Variants in PLA2G2C observed in about 807,000 individuals in gnomAD.
The protein encoded by PLA2G2C is phospholipase A2 group IIC, also known as putative inactive group IIC secretory phospholipase A2.
Under a neutral mutation model 14.3 loss-of-function variants are expected in PLA2G2C, and 15 were observed. The ratio of observed to expected loss-of-function variants is 1.05; its 90% confidence interval spans 0.70 to 1.62. The LOEUF is 1.62. PLA2G2C is among the 40% of genes most tolerant of loss of function. The pLI is 0.00. For missense variants in PLA2G2C, 162 were observed against 173.2 expected (o/e 0.94, Z 0.36); for synonymous variants, 79 against 67.7 (o/e 1.17, Z -0.82).
At position 20,173,361 on chromosome 1, in the gene PLA2G2C, T is replaced by C. The variant is rs572354340; in HGVS notation, c.180-464A>G. Among the ~76,000 whole-genome samples, 12 of 152,204 alleles carry C rather than the reference T, an allele frequency of 7.9e-5. No homozygotes were observed. The South Asian group carries it at 1.7e-3, about 21-fold the overall frequency. On this transcript the variant is annotated intron_variant, in intron 3 of 4. Coordinates refer to ENST00000679259, the MANE Select transcript of PLA2G2C (RefSeq NM_001367969.2). Reference sequence around the variant, plus strand: ...AAAATAATAATAATAACCAGTAGCATTTCCTGAGCCCTCTCTAGTATCTGT... The same window carrying C: ...AAAATAATAATAATAACCAGTAGCACTTCCTGAGCCCTCTCTAGTATCTGT...
In PLA2G2C at chr1:20,163,865, G is replaced by A; in HGVS notation, c.*126C>T. The A allele has an allele frequency of 9.1e-7, 1 of 1,096,472 alleles. No individual in the cohort carries two copies. Among genetic ancestry groups the A allele is most frequent in the African/African-American group, 1.6e-5 (1 of 62,716 alleles). The allele number at this position is 1,096,472 out of a possible 1,614,324, so 67.9% of individuals were successfully genotyped here. ...AGAATGCTGAAGGGTGAGCTGCCCT[G>A]CGGGAGACATTTTGTCCTCCCTCCC... On this transcript the variant is annotated 3_prime_UTR_variant, in exon 5 of 5. Transcript: ENST00000679259.
intron 1 of PLA2G2C, among the ~76,000 whole-genome samples, chr1:20,183,207 C>A (rs2018301793): frequency 6.6e-6 from 1 of 152,220 alleles, no homozygotes; most frequent in Non-Finnish European, 1.5e-5. Flanking sequence ...CTGTGCTTAT[C>A]ATCACCATTC....
chr1:20,168,752 C>T (rs558461788), intron 4 of PLA2G2C, among the ~76,000 whole-genome samples: 1 of 152,340 alleles, frequency 6.6e-6, no homozygotes, highest in Non-Finnish European at 1.5e-5. Context: ...ACCGGGTCCT[C>T]CCTGTACCAC....
At chr1:20,185,956 C>G (rs1252913646) in intron 1 of PLA2G2C, 1 of 152,266 alleles carries the variant, frequency 6.6e-6, no homozygotes, top group African/African-American at 2.4e-5. Context: ...CGCAATCCAC[C>G]GACCTGGAGT....
intron 4 of PLA2G2C, among the ~76,000 whole-genome samples, chr1:20,170,068 C>T (rs1453139135): frequency 1.3e-5 from 2 of 152,238 alleles, no homozygotes; most frequent in Non-Finnish European, 2.9e-5. Context: ...CCTTGGCCAT[C>T]GTGCTTAACC....
chr1:20,164,916 A>C (rs2100710079), intron 4 of PLA2G2C, among the ~76,000 whole-genome samples: 1 of 152,322 alleles, frequency 6.6e-6, no homozygotes, highest in African/African-American at 2.4e-5. Flanking sequence ...TGTCATCAGC[A>C]GCTCTTCCTC....
rs533572017 is a variant in PLA2G2C, at chr1:20,178,513, C to T, written c.-76-1074G>A. 9.2e-5 allele frequency among the ~76,000 whole-genome samples: 14 copies of T among 152,302 alleles called. 1 individual carries two copies. The highest frequency in any genetic ancestry group is 3.1e-4 in the African/African-American group (13 of 41,558). On this transcript the variant is annotated intron_variant, in intron 1 of 4. Transcript: ENST00000679259. ...TTTGGCAACATTCTGGTGGATGCTGCGAGGTCGGGCCCTGACCAGGCCTGG... is the reference window on the plus strand; with the variant it reads ...TTTGGCAACATTCTGGTGGATGCTGTGAGGTCGGGCCCTGACCAGGCCTGG...
At chr1:20,180,152 C>A (rs1217843430) in intron 1 of PLA2G2C, among the ~76,000 whole-genome samples, 1 of 152,188 alleles carries the variant, frequency 6.6e-6, no homozygotes, top group Non-Finnish European at 1.5e-5. Context: ...TTCTCCCTCT[C>A]CCCATTCTTC....
chr1:20,179,359 C>T (rs189106104), intron 1 of PLA2G2C, among the ~76,000 whole-genome samples: 37 of 150,728 alleles, frequency 2.5e-4, no homozygotes, highest in African/African-American at 7.8e-4. Context: ...GGGCTCTGTG[C>T]GTGTGTGTGT....
Position 20,163,914 on chromosome 1 carries a change from G to C in PLA2G2C, c.*77C>G. On this transcript the variant is annotated 3_prime_UTR_variant, in exon 5 of 5. Coordinates refer to ENST00000679259, the MANE Select transcript of PLA2G2C (RefSeq NM_001367969.2). ...CCAGTGGAAGAACAGGGGCCTGTTG[G>C]GGATGATCTGAGAAGGCTTCCTGGA... The C allele has an allele frequency of 1.4e-6, 2 of 1,459,340 alleles. No homozygotes were observed. Among genetic ancestry groups the C allele is most frequent in the Non-Finnish European group, 1.8e-6 (2 of 1,083,002 alleles). The allele number at this position is 1,459,340 out of a possible 1,614,324, so 90.4% of individuals were successfully genotyped here.
At chr1:20,167,041 T>C (rs2017991050) in intron 4 of PLA2G2C, among the ~76,000 whole-genome samples, 1 of 152,200 alleles carries the variant, frequency 6.6e-6, no homozygotes, top group Non-Finnish European at 1.5e-5. Flanking sequence ...AAGGAGGGCT[T>C]TGGAATGACT....
chr1:20,175,426 C>T (rs549082904), intron 2 of PLA2G2C, among the ~76,000 whole-genome samples: 30 of 152,278 alleles, frequency 2.0e-4, no homozygotes, highest in African/African-American at 7.0e-4. Context: ...AGTCTTCCCC[C>T]TCAAAGCAAG....
At chr1:20,167,561 G>A (rs2017999332) in intron 4 of PLA2G2C, among the ~76,000 whole-genome samples, 1 of 152,158 alleles carries the variant, frequency 6.6e-6, no homozygotes, top group South Asian at 2.1e-4. Context: ...TCTTGGCTGT[G>A]GTTGTGCCTC....
At chr1:20,176,809 C>T (rs1353864847) in intron 2 of PLA2G2C, among the ~76,000 whole-genome samples, 2 of 152,212 alleles carry the variant, frequency 1.3e-5, no homozygotes, top group East Asian at 3.9e-4. Context: ...TATCAGTCTC[C>T]AGTAGACCCC....
chr1:20,185,707 A>T (rs1384489148), intron 1 of PLA2G2C, among the ~76,000 whole-genome samples: 1 of 152,204 alleles, frequency 6.6e-6, no homozygotes, highest in Non-Finnish European at 1.5e-5. Flanking sequence ...AGAATCCATC[A>T]GTCCCACAGC....
chr1:20,184,503 G>C (rs2018332780), intron 1 of PLA2G2C: 1 of 152,228 alleles, frequency 6.6e-6, no homozygotes, highest in African/African-American at 2.4e-5. Context: ...CCAAAGAAGA[G>C]GCCTGGCCCA....
rs1250168594 is a variant in PLA2G2C at position 20,164,286 on chromosome 1, G to A, written c.284-129C>T. 3 of 910,942 alleles carry A rather than the reference G, an allele frequency of 3.3e-6. No individual in the cohort carries two copies. The East Asian group carries it at 7.9e-5, about 24-fold the overall frequency. 56.4% of individuals were successfully genotyped at this position (910,942 alleles called of 1,614,324 possible). On this transcript the variant is annotated intron_variant, in intron 4 of 4. Transcript: ENST00000679259. ...GGACAGAAAGGAAAGCCACTGAAAG[G>A]GATACGTGTATGCATATGTGTGCAT...
In PLA2G2C at chr1:20,177,457, G is replaced by T; in HGVS notation, c.-76-18C>A. The T allele has an allele frequency of 3.4e-6, 2 of 593,666 alleles. No homozygotes were observed. The highest frequency in any genetic ancestry group is 4.0e-5 in the South Asian group (2 of 49,548). The allele number at this position is 593,666 out of a possible 1,614,324, so 36.8% of individuals were successfully genotyped here. On this transcript the variant is annotated intron_variant, in intron 1 of 4. Transcript: ENST00000679259. ...CTGAACCTCTGTTCCAGGACAAAAT[G>T]ACCAAAATGAGGCAAGGGTATTTGG...
chr1:20,167,754 T>G (rs570069681), intron 4 of PLA2G2C, among the ~76,000 whole-genome samples: 3 of 152,284 alleles, frequency 2.0e-5, no homozygotes, highest in South Asian at 4.1e-4. Flanking sequence ...CAACCTCATC[T>G]CCATTCTTCC....
Sources: gnomAD v4.1 joint callset for allele counts (sites outside exome capture counted in the v4.1 genomes callset) on GRCh38, gnomAD v4.1.1 for gene constraint, MANE v1.5 for transcripts, NCBI Gene and HGNC (gene_info 2026-07-23, HGNC 2026-07-21) for gene names.